Variants in SMYD3 observed in about 807,000 individuals in gnomAD.
SMYD3 encodes the protein histone-lysine N-methyltransferase SMYD3.
Under a neutral mutation model 57.7 loss-of-function variants are expected in SMYD3, and 36 were observed. The observed-to-expected ratio is 0.62, with a 90% CI of 0.48 to 0.82. The LOEUF is 0.82. Among genes scored for constraint, SMYD3 ranks in the 40% least tolerant of loss-of-function variants. The probability of loss-of-function intolerance (pLI) is 0.00; values close to 1 mark genes in which losing one functional copy is unlikely to be tolerated. For synonymous variants in SMYD3, 211 were observed against 195.0 expected (o/e 1.08, Z -0.68); for missense variants, 515 against 538.8 (o/e 0.96, Z 0.44).
rs113938047 is a variant in SMYD3 at position 246,146,939 on chromosome 1, G to C, written c.531+180262C>G. 6.3e-4 allele frequency among the ~76,000 whole-genome samples: 96 copies of C among 152,320 alleles called. 1 individual carries two copies. The highest frequency in any genetic ancestry group is 2.3e-3 in the African/African-American group (94 of 41,568). On this transcript the variant is annotated intron_variant, in intron 5 of 11. Transcript: ENST00000490107. ...CTGACACAGGGGCCTGCAGACGGTT[G>C]TGTGTGGCTTTTGGAGTTAGAGACA...
intron 5 of SMYD3, among the ~76,000 whole-genome samples, chr1:245,964,263 A>G (rs2058084654): frequency 6.6e-6 from 1 of 152,180 alleles, no homozygotes; most frequent in East Asian, 1.9e-4. Flanking sequence ...GTCCACCCCC[A>G]TGATCCAAAA....
chr1:246,235,984 A>T (rs2063507428), intron 5 of SMYD3, among the ~76,000 whole-genome samples: 1 of 152,222 alleles, frequency 6.6e-6, no homozygotes, highest in Non-Finnish European at 1.5e-5. Flanking sequence ...CACAGAAAGC[A>T]CTACTCTACA....
At chr1:246,372,149 T>G (rs2066202883) in intron 1 of SMYD3, among the ~76,000 whole-genome samples, 1 of 152,224 alleles carries the variant, frequency 6.6e-6, no homozygotes, top group Non-Finnish European at 1.5e-5. Context: ...TGCACTATAA[T>G]TAATTACAAA....
At chr1:245,998,407 T>C (rs1273566238) in intron 5 of SMYD3, among the ~76,000 whole-genome samples, 1 of 152,240 alleles carries the variant, frequency 6.6e-6, no homozygotes, top group Non-Finnish European at 1.5e-5. Flanking sequence ...GAAGCACCGT[T>C]TGATTCTTCA....
At chr1:246,361,277 A>T (rs947825937) in intron 1 of SMYD3, among the ~76,000 whole-genome samples, 10 of 152,240 alleles carry the variant, frequency 6.6e-5, no homozygotes, top group African/African-American at 2.4e-4. Context: ...AATGGCCATA[A>T]TCAAAAAATC....
chr1:246,018,311 G>A (rs940975106), intron 5 of SMYD3, among the ~76,000 whole-genome samples: 49 of 151,982 alleles, frequency 3.2e-4, no homozygotes, highest in African/African-American at 1.2e-3. Context: ...GCCCTCTCCT[G>A]CCCGGCTGCC....
In SMYD3 at chr1:245,767,988, A is replaced by G. The variant is rs955567832; in HGVS notation, c.1077-3839T>C. ...TCAACAGAAAAGAAGGACTTGGTAC[A>G]AGAAAGGTTATGCAGCTGATTTAAC... On this transcript the variant is annotated intron_variant, in intron 10 of 11. Transcript: ENST00000490107. Among the ~76,000 whole-genome samples the G allele has an allele frequency of 5.3e-5, 8 of 152,344 alleles. No homozygotes were observed. The South Asian group carries it at 1.5e-3, about 28-fold the overall frequency.
intron 5 of SMYD3, chr1:246,322,439 G>T (rs1249688584): frequency 6.6e-6 from 1 of 151,004 alleles, no homozygotes; most frequent in African/African-American, 2.4e-5. Flanking sequence ...AAAAAAAAAA[G>T]TGTGTGGTAG....
At position 245,810,545 on chromosome 1, in the gene SMYD3, T is replaced by G. The variant is rs55641905; in HGVS notation, c.1077-46396A>C. ...ATTCACCCAAAGCCTCTGTCTCCACTGCAGCCACGGAGTTGAAGGCTGGTG... is the reference window on the plus strand; with the variant it reads ...ATTCACCCAAAGCCTCTGTCTCCACGGCAGCCACGGAGTTGAAGGCTGGTG... On this transcript the variant is annotated intron_variant, in intron 10 of 11. Transcript: ENST00000490107. Among the ~76,000 whole-genome samples the G allele has an allele frequency of 9.1e-3, 1,388 of 152,302 alleles. 10 individuals are homozygous for G. Among genetic ancestry groups the G allele is most frequent in the Non-Finnish European group, 0.014 (971 of 68,024 alleles).
chr1:245,893,654 AAAG>A (rs2053539294), intron 8 of SMYD3, among the ~76,000 whole-genome samples: 1 of 152,202 alleles, frequency 6.6e-6, no homozygotes, highest in Admixed American at 6.5e-5. Flanking sequence ...GTAGTGACAG[AAAG>A]AAGATTTGGG....
intron 1 of SMYD3, among the ~76,000 whole-genome samples, chr1:246,455,524 T>C (rs577496760): frequency 1.3e-5 from 2 of 152,322 alleles, no homozygotes; most frequent in South Asian, 2.1e-4. Context: ...AAATGAGTTC[T>C]ATTAAAAGCT....
chr1:245,948,501 G>T (rs947814708), intron 5 of SMYD3, among the ~76,000 whole-genome samples: 2 of 152,156 alleles, frequency 1.3e-5, no homozygotes, highest in Non-Finnish European at 2.9e-5. Flanking sequence ...TAGACTAACA[G>T]AGTGCTGCCC....
At chr1:246,474,801 T>G (rs1328793552) in intron 1 of SMYD3, among the ~76,000 whole-genome samples, 4 of 152,106 alleles carry the variant, frequency 2.6e-5, no homozygotes, top group African/African-American at 7.2e-5. Context: ...GTATCTCCCT[T>G]TCTCCTTCCC....
intron 5 of SMYD3, among the ~76,000 whole-genome samples, chr1:246,127,014 C>A (rs1203089955): frequency 6.6e-6 from 1 of 152,096 alleles, no homozygotes; most frequent in African/African-American, 2.4e-5. Flanking sequence ...GGGTTAGTAA[C>A]CACTGCTTTG....
intron 10 of SMYD3, among the ~76,000 whole-genome samples, chr1:245,845,988 A>T (rs970628670): frequency 1.3e-5 from 2 of 152,146 alleles, no homozygotes; most frequent in African/African-American, 4.8e-5. Context: ...TGGGTGTGAG[A>T]CCCACAAAGG....
At chr1:246,220,569 G>A (rs995978557) in intron 5 of SMYD3, among the ~76,000 whole-genome samples, 28 of 152,078 alleles carry the variant, frequency 1.8e-4, no homozygotes, top group African/African-American at 5.3e-4. Context: ...CTCTGCTATC[G>A]ATGCCCACTC....
intron 10 of SMYD3, among the ~76,000 whole-genome samples, chr1:245,833,060 A>C (rs946312806): frequency 9.1e-5 from 4 of 43,844 alleles, no homozygotes; most frequent in African/African-American, 1.7e-4. Flanking sequence ...AATATGTGAC[A>C]AAAAAAAAAA....
rs183687079 is a variant in SMYD3, at chr1:246,181,723, A to G, written c.531+145478T>C. 1.5e-3 allele frequency among the ~76,000 whole-genome samples: 232 copies of G among 152,324 alleles called. 2 individuals carry two copies. Among genetic ancestry groups the G allele is most frequent in the African/African-American group, 5.4e-3 (225 of 41,574 alleles). On this transcript the variant is annotated intron_variant, in intron 5 of 11. Transcript: ENST00000490107. ...GGATCTAGTCCTTAAGATGCGTTCA[A>G]GAGGATGAAGGATGTCCATCTCTGA...
chr1:245,930,595 T>C (rs572082441), intron 5 of SMYD3: 13 of 158,318 alleles, frequency 8.2e-5, no homozygotes, highest in African/African-American at 3.1e-4. Flanking sequence ...AAAACCTCGT[T>C]TGTGAAATAA....
Sources: gnomAD v4.1 joint callset for allele counts (sites outside exome capture counted in the v4.1 genomes callset) on GRCh38, gnomAD v4.1.1 for gene constraint, MANE v1.5 for transcripts, NCBI Gene and HGNC (gene_info 2026-07-23, HGNC 2026-07-21) for gene names.